Variants in FRMPD4 observed in about 807,000 individuals in gnomAD.
The protein encoded by FRMPD4 is FERM and PDZ domain containing 4.
In FRMPD4, 22 loss-of-function variants were observed where a neutral mutation model predicts 94.1. That is an observed-to-expected ratio of 0.23 (90% CI 0.17 to 0.33). The LOEUF (loss-of-function observed/expected upper bound fraction) is 0.33. FRMPD4 is among the 10% of genes least tolerant of loss of function. The probability of loss-of-function intolerance (pLI) is 1.00; values close to 1 mark genes in which losing one functional copy is unlikely to be tolerated. For missense variants in FRMPD4, 1,111 were observed against 1,339.9 expected (o/e 0.83, Z 2.67); for synonymous variants, 631 against 548.6 (o/e 1.15, Z -2.10).
chrX:12,515,903 T>C (rs2058091202), intron 2 of FRMPD4, among the ~76,000 whole-genome samples: 1 of 112,183 alleles, frequency 8.9e-6, no homozygotes, highest in African/African-American at 3.2e-5. Context: ...TATGTATATT[T>C]AGGATAGTTA....
Position 12,191,167 on chromosome X carries a change from G to C in FRMPD4, c.41+52155G>C, listed in dbSNP as rs1052173156. 1.1e-4 allele frequency among the ~76,000 whole-genome samples: 12 copies of C among 111,774 alleles called. No homozygotes were observed. The Admixed American group carries it at 1.1e-3, about 11-fold the overall frequency. ...AGATGCTCTTAGCATATATCATCAG[G>C]GAAACGCAAATTAAAACAACAATGA... On this transcript the variant is annotated intron_variant, in intron 1 of 16. Coordinates refer to ENST00000675598, the MANE Select transcript of FRMPD4 (RefSeq NM_001368397.1).
chrX:12,375,112 G>C (rs2056217984), intron 1 of FRMPD4: 1 of 112,280 alleles, frequency 8.9e-6, no homozygotes, highest in Non-Finnish European at 1.9e-5. Flanking sequence ...GCACTGGTAG[G>C]AATTACCATC....
chrX:12,181,103 G>C (rs1206785765), intron 1 of FRMPD4, among the ~76,000 whole-genome samples: 1 of 111,673 alleles, frequency 9.0e-6, no homozygotes, highest in African/African-American at 3.3e-5. Context: ...ATGTTGACAA[G>C]CTGGATCCTG....
chrX:12,693,519 C>A (rs1192347008), intron 8 of FRMPD4, among the ~76,000 whole-genome samples: 3 of 111,807 alleles, frequency 2.7e-5, no homozygotes, highest in African/African-American at 9.8e-5. Flanking sequence ...CTCCATTGAG[C>A]AAGTGGAACA....
At chrX:12,675,837 T>C (rs1300502156) in intron 5 of FRMPD4, among the ~76,000 whole-genome samples, 1 of 111,267 alleles carries the variant, frequency 9.0e-6, no homozygotes, top group Non-Finnish European at 1.9e-5. Flanking sequence ...CATTTCTATA[T>C]CAATTAAAGT....
chrX:11,847,512 C>G (rs1210815115), intron 1 of FRMPD4, among the ~76,000 whole-genome samples: 2 of 108,164 alleles, frequency 1.8e-5, no homozygotes, highest in Admixed American at 2.0e-4. Context: ...TGCCATTTGA[C>G]CCAGCCATCC....
At chrX:11,987,199 C>A (rs1364199153) in intron 3 of FRMPD4, among the ~76,000 whole-genome samples, 4 of 97,345 alleles carry the variant, frequency 4.1e-5, no homozygotes, top group African/African-American at 1.6e-4. Flanking sequence ...AAACCAAATT[C>A]AACAATACAT....
chrX:12,191,084 C>T (rs1430466785), intron 1 of FRMPD4, among the ~76,000 whole-genome samples: 8 of 111,963 alleles, frequency 7.1e-5, no homozygotes, highest in African/African-American at 2.6e-4. Context: ...TTAAAATGAG[C>T]CAAAGACATT....
chrX:12,560,638 AT>A (rs1309038031), intron 2 of FRMPD4, among the ~76,000 whole-genome samples: 10 of 108,989 alleles, frequency 9.2e-5, no homozygotes, highest in African/African-American at 3.3e-4. Context: ...ATCTTTATAA[AT>A]TTGGCATGAC....
At chrX:12,454,814 C>CA (rs1416634334) in intron 1 of FRMPD4, among the ~76,000 whole-genome samples, 1 of 46,057 alleles carries the variant, frequency 2.2e-5, no homozygotes, top group African/African-American at 5.5e-5. Context: ...TAGAAAGCCA[C>CA]GTTTTTTTTT....
chrX:12,440,562 C>CAGTT (rs1479226791), intron 1 of FRMPD4, among the ~76,000 whole-genome samples: 1 of 111,536 alleles, frequency 9.0e-6, no homozygotes, highest in Admixed American at 9.5e-5. Context: ...TTGCATCTCT[C>CAGTT]AGTTAGTGAT....
intron 1 of FRMPD4, among the ~76,000 whole-genome samples, chrX:12,381,759 G>C (rs2056321714): frequency 8.9e-6 from 1 of 111,830 alleles, no homozygotes; most frequent in Non-Finnish European, 1.9e-5. Context: ...ATGGATCCTA[G>C]AAGGAAGATC....
At position 12,379,428 on chromosome X, in the gene FRMPD4, G is replaced by A. The variant is rs752279331; in HGVS notation, c.42-119252G>A. On this transcript the variant is annotated intron_variant, in intron 1 of 16. Transcript: ENST00000675598. ...CTGAAGTGCAGTTATGTGGACATGT[G>A]AGTCCATGGTTTCCAATATACTTAT... Among the ~76,000 whole-genome samples the A allele has an allele frequency of 2.9e-3, 327 of 111,541 alleles. 2 individuals are homozygous for A. The highest frequency in any genetic ancestry group is 4.9e-3 in the Non-Finnish European group (260 of 53,122).
chrX:12,716,627 A>G lies in FRMPD4; in HGVS notation c.2168A>G (p.Lys723Arg). The change falls in exon 15 of 17, where the codon AAG becomes AGG. Residue 723 changes from lysine (K) to arginine (R), a missense_variant. Lys to Arg is a conservative substitution (Grantham distance 26). Transcript: ENST00000675598. Reference sequence around the variant, plus strand: ...GTTTATGCAAACATAGGCGATGTGAAGAGCTTCCAGGCCGCGGAGGGGATC... The same window carrying G: ...GTTTATGCAAACATAGGCGATGTGAGGAGCTTCCAGGCCGCGGAGGGGATC... The part of the protein sequence containing the change: ...NSVYANIGDV[K>R]SFQAAEGIEE... 1 of 1,211,175 alleles carries G rather than the reference A, an allele frequency of 8.3e-7. No homozygotes were observed. Among genetic ancestry groups the G allele is most frequent in the Non-Finnish European group, 1.1e-6 (1 of 894,921 alleles).
At chrX:11,967,757 T>TGTGTG (rs1491571929) in intron 3 of FRMPD4, among the ~76,000 whole-genome samples, 2 of 30,725 alleles carry the variant, frequency 6.5e-5, no homozygotes, top group Non-Finnish European at 8.8e-5. Flanking sequence ...TGTGTGTGTG[T>TGTGTG]TTTTTTTTTT....
chrX:12,137,218 G>A (rs1428962621), upstream of FRMPD4, among the ~76,000 whole-genome samples: 1 of 111,905 alleles, frequency 8.9e-6, no homozygotes, highest in Non-Finnish European at 1.9e-5. Flanking sequence ...TGATAACTAT[G>A]TATTCAAAAA....
Position 12,142,687 on chromosome X carries a change from A to G in FRMPD4, c.41+3675A>G, listed in dbSNP as rs191432235. On this transcript the variant is annotated intron_variant, in intron 1 of 16. Coordinates refer to ENST00000675598, the MANE Select transcript of FRMPD4 (RefSeq NM_001368397.1). The stretch of plus-strand genomic sequence containing the variant: ...TCCTGTTTTAGGAATATTTAACTCT[A>G]GTTTCCCAAGAGTTGCTAGTTTGAA... Among the ~76,000 whole-genome samples, 871 of 112,020 alleles carry G rather than the reference A, an allele frequency of 7.8e-3. 2 individuals carry two copies. The highest frequency in any genetic ancestry group is 0.012 in the Non-Finnish European group (633 of 53,186).
chrX:12,118,593 C>G (rs1385357986), intron 3 of FRMPD4, among the ~76,000 whole-genome samples: 1 of 111,653 alleles, frequency 9.0e-6, no homozygotes, highest in African/African-American at 3.3e-5. Flanking sequence ...GGGGCAGGGA[C>G]AGGCTTGTCT....
intron 9 of FRMPD4, 109 bp from the exon 10 acceptor site, chrX:12,701,765 T>C (rs1235902977): frequency 7.2e-6 from 6 of 835,257 alleles, no homozygotes; most frequent in African/African-American, 4.0e-5. Context: ...CCTCCTTGCC[T>C]GGGAAGTGAA....
Sources: allele counts gnomAD v4.1 joint callset (sites outside exome capture counted in the v4.1 genomes callset), GRCh38; gene constraint gnomAD v4.1.1; transcripts MANE v1.5; gene names NCBI Gene and HGNC (gene_info 2026-07-23, HGNC 2026-07-21).